Variants in CIAPIN1 observed in about 807,000 individuals in gnomAD.
The protein encoded by CIAPIN1 is cytokine induced apoptosis inhibitor 1, also known as anamorsin.
CIAPIN1 carries 18 observed loss-of-function variants against 34.3 expected under a neutral mutation model. The observed-to-expected ratio is 0.52, with a 90% CI of 0.36 to 0.78. The LOEUF is 0.78. Ranked by LOEUF, CIAPIN1 falls within the 30% of genes least tolerant of loss-of-function variation. The pLI is 0.00. For synonymous variants in CIAPIN1, 131 were observed against 140.4 expected (o/e 0.93, Z 0.47); for missense variants, 310 against 372.5 (o/e 0.83, Z 1.38).
At chr16:57,442,954 T>C (rs1313868519) in intron 1 of CIAPIN1, among the ~76,000 whole-genome samples, 1 of 152,106 alleles carries the variant, frequency 6.6e-6, no homozygotes, top group Non-Finnish European at 1.5e-5. Flanking sequence ...TCATCATGCC[T>C]TTTATCTAGC....
chr16:57,433,601 GTT>G (rs1903137219), intron 5 of CIAPIN1: 1 of 210,428 alleles, frequency 4.8e-6, no homozygotes, highest in Admixed American at 5.3e-5. Context: ...AAGAAATATA[GTT>G]TTATAAGTGT....
At chr16:57,446,681 G>C (rs1347814081) in intron 1 of CIAPIN1, among the ~76,000 whole-genome samples, 1 of 152,120 alleles carries the variant, frequency 6.6e-6, no homozygotes, top group Non-Finnish European at 1.5e-5. Context: ...AGCCTTTCCC[G>C]AACTTGCAGA....
At chr16:57,432,116 C>T (rs935259603) in intron 6 of CIAPIN1, among the ~76,000 whole-genome samples, 4 of 152,086 alleles carry the variant, frequency 2.6e-5, no homozygotes, top group Non-Finnish European at 5.9e-5. Context: ...AGTTTTGCGA[C>T]CAGTCTGGCC....
At chr16:57,439,421 C>A in intron 2 of CIAPIN1, 87 bp from the exon 3 acceptor site, 1 of 1,414,720 alleles carries the variant, frequency 7.1e-7, no homozygotes, top group Non-Finnish European at 9.9e-7. Flanking sequence ...AGCTACAGAC[C>A]TCACCCTGAG....
intron 1 of CIAPIN1, among the ~76,000 whole-genome samples, chr16:57,445,335 C>T (rs545883277): frequency 6.6e-6 from 1 of 152,060 alleles, no homozygotes; most frequent in Admixed American, 6.5e-5. Context: ...GGAGAAAACC[C>T]GTCTCTACTA....
rs1339110033 is a variant in CIAPIN1, at chr16:57,430,238, G to C, written c.828+20C>G. The C allele has an allele frequency of 6.2e-7, 1 of 1,607,626 alleles. No individual in the cohort carries two copies. Among genetic ancestry groups the C allele is most frequent in the African/African-American group, 1.3e-5 (1 of 74,926 alleles). ...CCCCCTGGGGGTTTGTGAATGCTGA[G>C]GAATGATCCTGATATTTACGTTTCC... is the stretch of plus-strand genomic sequence containing the variant. On this transcript the variant is annotated intron_variant, in intron 8 of 8. Coordinates refer to ENST00000394391, the MANE Select transcript of CIAPIN1 (RefSeq NM_020313.4).
At chr16:57,431,837 G>A (rs1282841124) in intron 6 of CIAPIN1, among the ~76,000 whole-genome samples, 2 of 152,146 alleles carry the variant, frequency 1.3e-5, no homozygotes, top group Non-Finnish European at 2.9e-5. Context: ...CATGGCCAAA[G>A]ATAGAAAATA....
chr16:57,440,354 G>C (rs1903301254), intron 2 of CIAPIN1, among the ~76,000 whole-genome samples: 1 of 152,038 alleles, frequency 6.6e-6, no homozygotes, highest in African/African-American at 2.4e-5. Context: ...GCCCCCGTTT[G>C]CCTTATTTTA....
rs913984715 is a variant in CIAPIN1, at chr16:57,439,447, C to T, written c.158-113G>A. ...TCACCCTGAGAGAATGGACACCACT[C>T]GATATCCATCCAAGAAGCTGGATGA... is the stretch of plus-strand genomic sequence containing the variant. On this transcript the variant is annotated intron_variant, in intron 2 of 8. Coordinates refer to ENST00000394391, the MANE Select transcript of CIAPIN1 (RefSeq NM_020313.4). 1.7e-4 allele frequency: 175 copies of T among 1,003,298 alleles called. 1 individual carries two copies. Among genetic ancestry groups the T allele is most frequent in the Non-Finnish European group, 2.4e-4 (159 of 666,816 alleles). The allele number at this position is 1,003,298 out of a possible 1,614,324, so 62.1% of individuals were successfully genotyped here.
chr16:57,442,726 C>T (rs1168674937), intron 1 of CIAPIN1, among the ~76,000 whole-genome samples: 1 of 152,290 alleles, frequency 6.6e-6, no homozygotes, highest in South Asian at 2.1e-4. Context: ...GCCTACAAAA[C>T]ATACTCAGGA....
chr16:57,443,839 C>T (rs1453784626), intron 1 of CIAPIN1, among the ~76,000 whole-genome samples: 2 of 152,256 alleles, frequency 1.3e-5, no homozygotes, highest in South Asian at 2.1e-4. Context: ...CCCTTGCAAA[C>T]TTCAAGGTGT....
intron 1 of CIAPIN1, among the ~76,000 whole-genome samples, chr16:57,444,984 T>A (rs1441633053): frequency 6.6e-6 from 1 of 152,160 alleles, no homozygotes; most frequent in Admixed American, 6.5e-5. Flanking sequence ...GCATGGCCCT[T>A]CTAAAATGTT....
chr16:57,441,039 A>G (rs1903320040), intron 1 of CIAPIN1, 56 bp from the exon 2 acceptor site: 5 of 1,187,022 alleles, frequency 4.2e-6, no homozygotes, highest in Non-Finnish European at 5.9e-6. Flanking sequence ...TATGATTAGA[A>G]TCCCAACCTA....
At chr16:57,434,861 T>A (rs761329774) in intron 4 of CIAPIN1, among the ~76,000 whole-genome samples, 1 of 152,218 alleles carries the variant, frequency 6.6e-6, no homozygotes, top group Non-Finnish European at 1.5e-5. Flanking sequence ...AGTATGTGCA[T>A]GTAGATGCTT....
chr16:57,435,049 G>A (rs1178644938), intron 4 of CIAPIN1, among the ~76,000 whole-genome samples: 2 of 152,200 alleles, frequency 1.3e-5, no homozygotes, highest in African/African-American at 4.8e-5. Flanking sequence ...TAAATCTCAT[G>A]TTGAACTGTA....
At chr16:57,446,980 C>T (rs223859) in intron 1 of CIAPIN1, among the ~76,000 whole-genome samples, 4,796 of 152,294 alleles carry the variant, frequency 0.031, 97 homozygotes, top group Middle Eastern at 0.071. Flanking sequence ...AAGGTCACAA[C>T]GATTGGCTAC....
At chr16:57,439,080 A>G (rs1289909591) in intron 3 of CIAPIN1, 102 bp downstream of exon 3, 1 of 1,146,106 alleles carries the variant, frequency 8.7e-7, no homozygotes, top group African/African-American at 1.5e-5. Flanking sequence ...TTGCTACAGG[A>G]ATACTGATCT....
intron 2 of CIAPIN1, among the ~76,000 whole-genome samples, chr16:57,439,851 G>T (rs932620963): frequency 1.3e-5 from 2 of 152,118 alleles, no homozygotes; most frequent in South Asian, 4.2e-4. Flanking sequence ...TGATGATTGC[G>T]TTAACTGCAC....
chr16:57,436,596 T>C, intron 4 of CIAPIN1, 60 bp downstream of exon 4: 1 of 1,279,174 alleles, frequency 7.8e-7, no homozygotes, highest in Non-Finnish European at 1.1e-6. Flanking sequence ...GTTTCCTAGT[T>C]CTAAGCAATA....
Sources: allele counts gnomAD v4.1 joint callset (sites outside exome capture counted in the v4.1 genomes callset), GRCh38; gene constraint gnomAD v4.1.1; transcripts MANE v1.5; gene names NCBI Gene and HGNC (gene_info 2026-07-23, HGNC 2026-07-21).